Variants in CEP85L observed in about 807,000 individuals in gnomAD.
CEP85L encodes the protein centrosomal protein of 85 kDa-like.
Under a neutral mutation model 100.3 loss-of-function variants are expected in CEP85L, and 60 were observed. The observed-to-expected ratio is 0.60, with a 90% CI of 0.49 to 0.74. CEP85L has a LOEUF of 0.74. Among genes scored for constraint, CEP85L ranks in the 30% least tolerant of loss-of-function variants. The probability of loss-of-function intolerance (pLI) is 0.00; values close to 1 mark genes in which losing one functional copy is unlikely to be tolerated. For synonymous variants in CEP85L, 319 were observed against 322.7 expected, an observed-to-expected ratio of 0.99 and a Z score of 0.12; for missense variants, 973 against 936.2, an observed-to-expected ratio of 1.04 and a Z score of -0.51.
intron 2 of CEP85L, among the ~76,000 whole-genome samples, chr6:118,576,151 C>G (rs996309468): frequency 6.6e-6 from 1 of 152,166 alleles, no homozygotes; most frequent in Non-Finnish European, 1.5e-5. Context: ...ATTCTGGAAA[C>G]CTGGTTACCA....
At chr6:118,492,931 A>G in intron 5 of CEP85L, among the ~76,000 whole-genome samples, 1 of 152,182 alleles carries the variant, frequency 6.6e-6, no homozygotes, top group East Asian at 1.9e-4. Flanking sequence ...TTACAGAAAT[A>G]GCATTTATCA....
chr6:118,608,419 C>T (rs1486946562), intron 2 of CEP85L, among the ~76,000 whole-genome samples: 1 of 151,698 alleles, frequency 6.6e-6, no homozygotes, highest in Non-Finnish European at 1.5e-5. Flanking sequence ...GGCATGAACC[C>T]GGGAGGCAGA....
Position 118,615,585 on chromosome 6 carries a change from T to C in CEP85L, c.232+16868A>G, listed in dbSNP as rs143471587. On this transcript the variant is annotated intron_variant, in intron 2 of 12. Coordinates refer to ENST00000368491, the MANE Select transcript of CEP85L (RefSeq NM_001042475.3). Reference sequence around the variant, plus strand: ...GGAAGTAACCTCTAAGCCCTTGGAATGTCCAGCCTAGTAAGAAAGTCTTTC... The same window carrying C: ...GGAAGTAACCTCTAAGCCCTTGGAACGTCCAGCCTAGTAAGAAAGTCTTTC... 5.7e-4 allele frequency among the ~76,000 whole-genome samples: 87 copies of C among 152,344 alleles called. 1 individual carries two copies. In the East Asian group the frequency reaches 0.016, roughly 28 times the overall value.
intron 3 of CEP85L, among the ~76,000 whole-genome samples, chr6:118,553,182 G>T (rs9489437): frequency 0.69 from 101,651 of 148,340 alleles, 35,274 homozygotes; most frequent in Middle Eastern, 0.74. Context: ...CATCGAAAAA[G>T]TACTCTATTA....
At chr6:118,480,068 G>A in intron 9 of CEP85L, 147 bp from the exon 10 acceptor site, 1 of 534,840 alleles carries the variant, frequency 1.9e-6, no homozygotes, top group Non-Finnish European at 3.2e-6. Flanking sequence ...TATGATTTGG[G>A]TCACACACGT....
At chr6:118,517,526 G>T (rs959589047) in intron 4 of CEP85L, among the ~76,000 whole-genome samples, 2 of 152,136 alleles carry the variant, frequency 1.3e-5, no homozygotes, top group Non-Finnish European at 2.9e-5. Context: ...GTTCACTCAT[G>T]ATTTGCCTCT....
intron 1 of CEP85L, among the ~76,000 whole-genome samples, chr6:118,683,220 G>A (rs1216048096): frequency 2.0e-5 from 3 of 152,112 alleles, no homozygotes; most frequent in Admixed American, 6.5e-5. Context: ...ATGTTTTAAT[G>A]TAGTGCATTG....
chr6:118,655,891 G>A (rs969317469), upstream of CEP85L, among the ~76,000 whole-genome samples: 14 of 152,150 alleles, frequency 9.2e-5, no homozygotes, highest in African/African-American at 3.4e-4. Context: ...GGGGAAAAAA[G>A]ACCAAAGAGA....
In CEP85L at chr6:118,565,490, T is replaced by C. The variant is rs898667265; in HGVS notation, c.1020+39A>G. 2.5e-6 allele frequency: 4 copies of C among 1,585,630 alleles called. No homozygotes were observed. In the African/African-American group the frequency reaches 5.4e-5, roughly 21 times the overall value. ...TAAGTGTGCTACTGTACTCATAACATCCACTGGAGGGAAGCAAACACTAGA... is the reference window on the plus strand; with the variant it reads ...TAAGTGTGCTACTGTACTCATAACACCCACTGGAGGGAAGCAAACACTAGA... On this transcript the variant is annotated intron_variant, in intron 3 of 12. Coordinates refer to ENST00000368491, the MANE Select transcript of CEP85L (RefSeq NM_001042475.3).
chr6:118,665,725 G>C (rs1470595118), intron 1 of CEP85L, among the ~76,000 whole-genome samples: 1 of 152,064 alleles, frequency 6.6e-6, no homozygotes, highest in African/African-American at 2.4e-5. Context: ...AGGGTACTCA[G>C]GTTCTTCAAC....
rs900855589 is a variant in CEP85L, at chr6:118,651,183, G to A, written c.73+14C>T. ...TGACCCCCACCCCAGCCGGGGCGCT[G>A]TCCCGTTCCTTACCGGCAGGGAAGC... On this transcript the variant is annotated intron_variant, in intron 1 of 12. Coordinates refer to ENST00000368491, the MANE Select transcript of CEP85L (RefSeq NM_001042475.3). 2.7e-6 allele frequency: 4 copies of A among 1,495,360 alleles called. No individual in the cohort carries two copies. In the African/African-American group the frequency reaches 5.8e-5, roughly 22 times the overall value. 92.6% of individuals were successfully genotyped at this position (1,495,360 alleles called of 1,614,324 possible). A position where few individuals can be genotyped will look rare whatever the true frequency, so the allele number is the denominator to read the frequency against.
chr6:118,690,646 T>C (rs1777005845), intron 1 of CEP85L, among the ~76,000 whole-genome samples: 1 of 152,254 alleles, frequency 6.6e-6, no homozygotes, highest in Non-Finnish European at 1.5e-5. Flanking sequence ...AATCCAAAGC[T>C]GCTGGTGGCC....
intron 1 of CEP85L, among the ~76,000 whole-genome samples, chr6:118,705,797 C>G (rs1476387059): frequency 6.6e-6 from 1 of 152,186 alleles, no homozygotes; most frequent in Non-Finnish European, 1.5e-5. Context: ...AATGGTAACT[C>G]CATATGTCCA....
intron 10 of CEP85L, among the ~76,000 whole-genome samples, chr6:118,473,184 A>T (rs1353965928): frequency 6.6e-6 from 1 of 152,250 alleles, no homozygotes; most frequent in Non-Finnish European, 1.5e-5. Flanking sequence ...TCAGTGAACA[A>T]ACAGTCAAAA....
intron 5 of CEP85L, among the ~76,000 whole-genome samples, chr6:118,500,599 A>AC (rs1304208736): frequency 2.1e-5 from 3 of 140,406 alleles, no homozygotes; most frequent in Non-Finnish European, 4.8e-5. Context: ...GACCCTGTCC[A>AC]CTAGAGGCAA....
intron 1 of CEP85L, among the ~76,000 whole-genome samples, chr6:118,690,163 G>T (rs1776988942): frequency 6.6e-6 from 1 of 152,076 alleles, no homozygotes; most frequent in South Asian, 2.1e-4. Context: ...ATATTTTGGA[G>T]ACCATTTTCT....
chr6:118,606,966 CT>C, intron 2 of CEP85L, among the ~76,000 whole-genome samples: 1 of 152,176 alleles, frequency 6.6e-6, no homozygotes, highest in South Asian at 2.1e-4. Flanking sequence ...AATTCTTACT[CT>C]TTTGCCGGCA....
intron 5 of CEP85L, among the ~76,000 whole-genome samples, chr6:118,503,778 C>T (rs1334979262): frequency 1.3e-5 from 1 of 76,288 alleles, no homozygotes. Flanking sequence ...ATATTTTTTA[C>T]AAAAATTAAT....
chr6:118,478,906 G>C (rs150333336), intron 10 of CEP85L, among the ~76,000 whole-genome samples: 237 of 152,232 alleles, frequency 1.6e-3, no homozygotes, highest in African/African-American at 5.4e-3. Context: ...TGTGATAAAT[G>C]AAATCTTACA....
Sources: gnomAD v4.1 joint callset for allele counts (sites outside exome capture counted in the v4.1 genomes callset) on GRCh38, gnomAD v4.1.1 for gene constraint, MANE v1.5 for transcripts, NCBI Gene and HGNC (gene_info 2026-07-23, HGNC 2026-07-21) for gene names.